Variants in TENM3 observed in about 807,000 individuals in gnomAD.
TENM3 encodes the protein teneurin-3.
In TENM3, 63 loss-of-function variants were observed where a neutral mutation model predicts 255.1. The observed-to-expected ratio is 0.25, with a 90% CI of 0.20 to 0.30. The LOEUF (loss-of-function observed/expected upper bound fraction) is 0.30. Among genes scored for constraint, TENM3 ranks in the 10% least tolerant of loss-of-function variants. The probability of loss-of-function intolerance (pLI) is 1.00; values close to 1 mark genes in which losing one functional copy is unlikely to be tolerated. For synonymous variants in TENM3, 1,306 were observed against 1,322.3 expected (o/e 0.99, Z 0.27); for missense variants, 2,929 against 3,461.1 (o/e 0.85, Z 3.86).
At chr4:182,158,375 A>T (rs892159070) in intron 1 of TENM3, among the ~76,000 whole-genome samples, 3 of 152,150 alleles carry the variant, frequency 2.0e-5, no homozygotes, top group African/African-American at 7.2e-5. Flanking sequence ...GCAACCTGTG[A>T]TGTAGCTGCG....
intron 3 of TENM3, among the ~76,000 whole-genome samples, chr4:182,513,488 A>G (rs1199776125): frequency 6.6e-6 from 1 of 152,056 alleles, no homozygotes; most frequent in African/African-American, 2.4e-5. Flanking sequence ...TACCTATTTA[A>G]AGATCCTGAA....
the TENM3 span, among the ~76,000 whole-genome samples, chr4:181,707,285 A>T: frequency 6.6e-6 from 1 of 152,166 alleles, no homozygotes; most frequent in Non-Finnish European, 1.5e-5. Context: ...GGGTTTTATA[A>T]TAAGTTTGAA....
intron 1 of TENM3, among the ~76,000 whole-genome samples, chr4:182,309,641 CAT>C (rs1469924109): frequency 1.3e-5 from 2 of 152,184 alleles, no homozygotes; most frequent in Non-Finnish European, 2.9e-5. Context: ...TATTTGATGA[CAT>C]AGTCCCTCTG....
At chr4:182,753,976 T>A (rs934527306) in intron 21 of TENM3, among the ~76,000 whole-genome samples, 1 of 152,212 alleles carries the variant, frequency 6.6e-6, no homozygotes, top group Non-Finnish European at 1.5e-5. Context: ...GCCAAGGGAC[T>A]TATATTTAGA....
At chr4:182,017,744 A>C in the TENM3 span, among the ~76,000 whole-genome samples, 1 of 152,222 alleles carries the variant, frequency 6.6e-6, no homozygotes, top group African/African-American at 2.4e-5. Context: ...AAATCCTATA[A>C]ATTGTCTTAG....
At chr4:181,561,023 A>G in the TENM3 span, among the ~76,000 whole-genome samples, 6 of 151,976 alleles carry the variant, frequency 3.9e-5, no homozygotes, top group Non-Finnish European at 8.8e-5. Context: ...CGCGATTTCA[A>G]CTCACTGCAA....
At chr4:182,008,144 C>A in the TENM3 span, among the ~76,000 whole-genome samples, 11 of 152,222 alleles carry the variant, frequency 7.2e-5, no homozygotes, top group East Asian at 2.1e-3. Flanking sequence ...TTCTCTCTGG[C>A]TGCCCTTAAC....
At chr4:181,560,331 G>A in the TENM3 span, among the ~76,000 whole-genome samples, 34 of 152,306 alleles carry the variant, frequency 2.2e-4, no homozygotes, top group Admixed American at 7.8e-4. Flanking sequence ...ACACCATCAC[G>A]TTGTGAGGTC....
At chr4:182,560,086 T>G (rs974942219) in intron 3 of TENM3, among the ~76,000 whole-genome samples, 2 of 151,792 alleles carry the variant, frequency 1.3e-5, no homozygotes, top group East Asian at 1.9e-4. Flanking sequence ...AAAGGTTTTT[T>G]TTTTTTTTTA....
intron 1 of TENM3, among the ~76,000 whole-genome samples, chr4:182,245,973 T>G (rs1487091167): frequency 6.6e-6 from 1 of 152,212 alleles, no homozygotes. Context: ...TGCTGGATCC[T>G]CACTCTGTGG....
chr4:182,199,354 G>A (rs577844193), intron 1 of TENM3, among the ~76,000 whole-genome samples: 4 of 152,184 alleles, frequency 2.6e-5, no homozygotes, highest in African/African-American at 4.8e-5. Flanking sequence ...CCCAGGATGC[G>A]GAGGTTGCAG....
intron 5 of TENM3, among the ~76,000 whole-genome samples, chr4:182,634,509 G>A (rs1235019817): frequency 6.6e-6 from 1 of 152,022 alleles, no homozygotes; most frequent in Non-Finnish European, 1.5e-5. Context: ...TTGGATTACT[G>A]AGCCTGCAGC....
chr4:182,602,110 G>A (rs565659683), intron 4 of TENM3, among the ~76,000 whole-genome samples: 6 of 152,352 alleles, frequency 3.9e-5, no homozygotes, highest in East Asian at 3.9e-4. Flanking sequence ...GGACAGGAGC[G>A]TAACAGTCAC....
At chr4:182,775,368 G>C (rs1225206547) in intron 24 of TENM3, among the ~76,000 whole-genome samples, 1 of 152,172 alleles carries the variant, frequency 6.6e-6, no homozygotes, top group Admixed American at 6.5e-5. Context: ...AGAAGAAAAA[G>C]CAATAGGACA....
At chr4:181,759,499 A>G in the TENM3 span, among the ~76,000 whole-genome samples, 3 of 152,192 alleles carry the variant, frequency 2.0e-5, no homozygotes, top group African/African-American at 7.2e-5. Context: ...TTATAGCCAT[A>G]GAACAAAAGG....
the TENM3 span, among the ~76,000 whole-genome samples, chr4:182,084,038 CT>C: frequency 1.7e-3 from 265 of 152,182 alleles, 2 homozygotes; most frequent in African/African-American, 4.9e-3. Context: ...GCCATAAGAC[CT>C]TTGGGAAAAT....
chr4:182,123,919 AG>A, the TENM3 span, among the ~76,000 whole-genome samples: 1 of 152,218 alleles, frequency 6.6e-6, no homozygotes, highest in Non-Finnish European at 1.5e-5. Context: ...AAGACCACCA[AG>A]GGTTTTGTCT....
chr4:181,993,050 G>A, the TENM3 span, among the ~76,000 whole-genome samples: 15 of 152,008 alleles, frequency 9.9e-5, no homozygotes, highest in Admixed American at 2.0e-4. Context: ...TTAGACACCA[G>A]CATTGTAAAG....
At chr4:182,766,714 G>A (rs542573212) in intron 22 of TENM3, among the ~76,000 whole-genome samples, 58 of 152,162 alleles carry the variant, frequency 3.8e-4, no homozygotes, top group African/African-American at 1.4e-3. Context: ...ACATGCCTCT[G>A]AACTCATGTT....
Sources: gnomAD v4.1 joint callset for allele counts (sites outside exome capture counted in the v4.1 genomes callset) on GRCh38, gnomAD v4.1.1 for gene constraint, MANE v1.5 for transcripts, NCBI Gene and HGNC (gene_info 2026-07-23, HGNC 2026-07-21) for gene names.